Variants in PCDHA5 observed in about 807,000 individuals in gnomAD.
The protein encoded by PCDHA5 is protocadherin alpha 5.
In PCDHA5, 43 loss-of-function variants were observed where a neutral mutation model predicts 61.6. The observed-to-expected ratio is 0.70, with a 90% CI of 0.55 to 0.90. The LOEUF (loss-of-function observed/expected upper bound fraction) is 0.90. PCDHA5 is among the 40% of genes least tolerant of loss of function. The pLI, the probability that PCDHA5 is intolerant of heterozygous loss-of-function variation, is 0.00. For missense variants in PCDHA5, 1,298 were observed against 1,222.7 expected, an observed-to-expected ratio of 1.06 and a Z score of -0.92; for synonymous variants, 627 against 543.9, an observed-to-expected ratio of 1.15 and a Z score of -2.13.
intron 1 of PCDHA5, among the ~76,000 whole-genome samples, chr5:140,890,337 A>G (rs1256335004): frequency 3.3e-5 from 5 of 152,192 alleles, no homozygotes; most frequent in African/African-American, 1.2e-4. Flanking sequence ...GGTAGTTGGG[A>G]TGGTTTACTA....
chr5:140,843,065 C>G, intron 1 of PCDHA5: 1 of 1,595,232 alleles, frequency 6.3e-7, no homozygotes, highest in Non-Finnish European at 8.6e-7. Context: ...CAAGCTGGTG[C>G]CGCGGTCTGT....
intron 1 of PCDHA5, chr5:140,877,486 A>G: frequency 3.7e-6 from 6 of 1,613,722 alleles, no homozygotes; most frequent in Non-Finnish European, 5.1e-6. Flanking sequence ...GCTGGTGGAG[A>G]ACGGCCAGGC....
intron 1 of PCDHA5, chr5:140,853,806 A>T: frequency 4.1e-6 from 4 of 986,824 alleles, no homozygotes; most frequent in Non-Finnish European, 4.9e-6. Context: ...TTTAAAGCAC[A>T]CCTGAGATGA....
chr5:141,010,089 G>T lies in PCDHA5; in HGVS notation c.*152G>T. On this transcript the variant is annotated 3_prime_UTR_variant, in exon 4 of 4. Coordinates refer to ENST00000529859, the MANE Select transcript of PCDHA5 (RefSeq NM_018908.3). The stretch of plus-strand genomic sequence containing the variant: ...AAAGTTCCCTGTGTCTGTCTAGAAC[G>T]CATTTAACAGGTTTTGTCGTAAAAG... 2 of 1,612,296 alleles carry T rather than the reference G, an allele frequency of 1.2e-6. No individual in the cohort carries two copies. Among genetic ancestry groups the T allele is most frequent in the East Asian group, 2.2e-5 (1 of 44,872 alleles).
intron 1 of PCDHA5, among the ~76,000 whole-genome samples, chr5:140,934,646 T>C (rs1554210032): frequency 6.6e-6 from 1 of 152,116 alleles, no homozygotes; most frequent in African/African-American, 2.4e-5. Flanking sequence ...GCAGGATAAA[T>C]GTTTGATTCT....
intron 1 of PCDHA5, chr5:140,853,229 A>G (rs2042677990): frequency 2.0e-6 from 2 of 981,308 alleles, no homozygotes; most frequent in Admixed American, 1.3e-4. Flanking sequence ...TTGGTAATTT[A>G]GTCCTTCATA....
At chr5:140,981,019 T>C (rs1396794400) in intron 2 of PCDHA5, among the ~76,000 whole-genome samples, 1 of 152,124 alleles carries the variant, frequency 6.6e-6, no homozygotes, top group Non-Finnish European at 1.5e-5. Flanking sequence ...ACTTGAAGGC[T>C]GTTAATATTT....
chr5:140,971,165 G>A (rs1390176241), intron 1 of PCDHA5, among the ~76,000 whole-genome samples: 1 of 152,136 alleles, frequency 6.6e-6, no homozygotes, highest in Non-Finnish European at 1.5e-5. Context: ...GCTCAGCTTT[G>A]CCACCAGCTG....
intron 1 of PCDHA5, among the ~76,000 whole-genome samples, chr5:140,906,323 A>G (rs1487570044): frequency 1.3e-5 from 2 of 152,212 alleles, no homozygotes; most frequent in Non-Finnish European, 2.9e-5. Context: ...AACATGATAC[A>G]ACTATCCTTC....
intron 1 of PCDHA5, among the ~76,000 whole-genome samples, chr5:140,950,799 G>C (rs1218789077): frequency 5.3e-5 from 8 of 151,796 alleles, no homozygotes; most frequent in African/African-American, 1.7e-4. Flanking sequence ...ATATTGTCTG[G>C]TTTTACCATA....
At chr5:141,005,680 C>T (rs1389178600) in intron 3 of PCDHA5, among the ~76,000 whole-genome samples, 6 of 111,878 alleles carry the variant, frequency 5.4e-5, no homozygotes, top group East Asian at 2.8e-4. Flanking sequence ...CCAGCCTGGG[C>T]GACAGAGCGA....
intron 1 of PCDHA5, among the ~76,000 whole-genome samples, chr5:140,950,195 C>T (rs186601471): frequency 6.6e-6 from 1 of 152,028 alleles, no homozygotes; most frequent in South Asian, 2.1e-4. Flanking sequence ...AAAAAATAGT[C>T]ATTTCTGTTT....
chr5:140,874,403 T>A (rs1013177734), intron 1 of PCDHA5, among the ~76,000 whole-genome samples: 2 of 152,198 alleles, frequency 1.3e-5, no homozygotes, highest in African/African-American at 4.8e-5. Context: ...TGCATAACAG[T>A]CACCATTCTG....
chr5:140,857,980 G>A (rs2045073152), intron 1 of PCDHA5: 1 of 1,597,100 alleles, frequency 6.3e-7, no homozygotes, highest in Non-Finnish European at 8.6e-7. Context: ...CGCCACGCCA[G>A]CGCCTACTGG....
chr5:140,838,075 A>AGTGTGTGTGTG (rs781914509), intron 1 of PCDHA5, among the ~76,000 whole-genome samples: 2 of 128,240 alleles, frequency 1.6e-5, no homozygotes, highest in East Asian at 2.3e-4. Context: ...TTATATATAT[A>AGTGTGTGTGTG]TAGTGTGTGT....
rs555838945 is a variant in PCDHA5, at chr5:140,927,094, G to A, written c.2353-51855G>A. On this transcript the variant is annotated intron_variant, in intron 1 of 3. Coordinates refer to ENST00000529859, the MANE Select transcript of PCDHA5 (RefSeq NM_018908.3). ...CAGCCACCGCGAGCTCTACTTCGGG[G>A]TGGATCTACCCAGCGGCAATTTGGT... 5 of 1,612,890 alleles carry A rather than the reference G, an allele frequency of 3.1e-6. No homozygotes were observed. In the Admixed American group the frequency reaches 8.3e-5, roughly 27 times the overall value.
At chr5:140,883,551 G>C (rs375469569) in intron 1 of PCDHA5, 16 of 1,614,234 alleles carry the variant, frequency 9.9e-6, no homozygotes, top group Middle Eastern at 1.7e-4. Flanking sequence ...GTGACCGCGC[G>C]GGACGGGGGC....
At chr5:140,966,569 G>A in intron 1 of PCDHA5, 1 of 500,346 alleles carries the variant, frequency 2.0e-6, no homozygotes, top group Non-Finnish European at 3.3e-6. Flanking sequence ...TGGAATATGG[G>A]GAGTCAGCGA....
chr5:140,875,530 C>T lies in PCDHA5; in HGVS notation c.2352+51403C>T, dbSNP rs782004877. On this transcript the variant is annotated intron_variant, in intron 1 of 3. Transcript: ENST00000529859. Reference sequence around the variant, plus strand: ...CCAGCGTCTGCTGCTCTCGCTTCTGCTCCTTGCAGCCTGGGAGGTGGGGAG... The same window carrying T: ...CCAGCGTCTGCTGCTCTCGCTTCTGTTCCTTGCAGCCTGGGAGGTGGGGAG... 9 of 1,614,004 alleles carry T rather than the reference C, an allele frequency of 5.6e-6. No individual in the cohort carries two copies. The South Asian group carries it at 8.8e-5, about 16-fold the overall frequency.
Sources: allele counts gnomAD v4.1 joint callset (sites outside exome capture counted in the v4.1 genomes callset), GRCh38; gene constraint gnomAD v4.1.1; transcripts MANE v1.5; gene names NCBI Gene and HGNC (gene_info 2026-07-23, HGNC 2026-07-21).